C12orf42: variants seen among roughly 807,000 people sequenced by gnomAD.
C12orf42 encodes the protein chromosome 12 open reading frame 42.
Under a neutral mutation model 21.6 loss-of-function variants are expected in C12orf42, and 25 were observed. The observed-to-expected ratio is 1.16, with a 90% CI of 0.84 to 1.62. The LOEUF is 1.62. Among genes scored for constraint, C12orf42 ranks in the 40% most tolerant of loss-of-function variants. The pLI is 0.00. For synonymous variants in C12orf42, 174 were observed against 175.0 expected (o/e 0.99, Z 0.05); for missense variants, 483 against 459.3 (o/e 1.05, Z -0.47).
At chr12:103,113,217 A>G in the C12orf42 span, among the ~76,000 whole-genome samples, 4 of 151,860 alleles carry the variant, frequency 2.6e-5, no homozygotes, top group South Asian at 4.2e-4. Context: ...TCCTGTTTCT[A>G]TTGTCCCTAA....
At chr12:103,198,081 A>G in the C12orf42 span, among the ~76,000 whole-genome samples, 1 of 152,208 alleles carries the variant, frequency 6.6e-6, no homozygotes. Context: ...GCACCTGTGC[A>G]CATACACACA....
At chr12:103,229,883 G>A in the C12orf42 span, among the ~76,000 whole-genome samples, 4 of 152,136 alleles carry the variant, frequency 2.6e-5, no homozygotes, top group South Asian at 2.1e-4. Context: ...AGCTACAACC[G>A]AATCCTGTGG....
chr12:103,180,301 T>G, the C12orf42 span, among the ~76,000 whole-genome samples: 1 of 152,038 alleles, frequency 6.6e-6, no homozygotes. Flanking sequence ...AGGTGGCAAG[T>G]AGGAAAAAAA....
At chr12:103,088,343 G>T in the C12orf42 span, among the ~76,000 whole-genome samples, 4 of 152,188 alleles carry the variant, frequency 2.6e-5, no homozygotes, top group African/African-American at 9.6e-5. Flanking sequence ...GACTAAATAA[G>T]AAATAGGGGA....
chr12:103,233,364 C>G (rs115439847), downstream of C12orf42, among the ~76,000 whole-genome samples: 1,796 of 152,202 alleles, frequency 0.012, 37 homozygotes, highest in African/African-American at 0.041. Context: ...ACAAAATAAT[C>G]TTTGAGGATT....
chr12:103,056,375 G>T, the C12orf42 span, among the ~76,000 whole-genome samples: 1 of 152,102 alleles, frequency 6.6e-6, no homozygotes, highest in African/African-American at 2.4e-5. Flanking sequence ...CTGTATTCAA[G>T]ATTTTTTCTT....
the C12orf42 span, among the ~76,000 whole-genome samples, chr12:103,105,905 T>C: frequency 3.9e-5 from 6 of 152,256 alleles, 1 homozygote; most frequent in South Asian, 1.2e-3. Flanking sequence ...TGAAAGAGGA[T>C]GATTTTAATA....
At chr12:103,462,090 TGC>T (rs1952746886) in intron 2 of C12orf42, among the ~76,000 whole-genome samples, 1 of 134,128 alleles carries the variant, frequency 7.5e-6, no homozygotes, top group African/African-American at 2.8e-5. Context: ...TTTTGTTTTT[TGC>T]TTGGTTTTTT....
chr12:103,111,566 G>A, the C12orf42 span, among the ~76,000 whole-genome samples: 3 of 152,196 alleles, frequency 2.0e-5, no homozygotes, highest in Admixed American at 1.3e-4. Flanking sequence ...ATGGTGTCAT[G>A]TAAAGATGGC....
chr12:103,140,686 T>C, the C12orf42 span, among the ~76,000 whole-genome samples: 96 of 152,258 alleles, frequency 6.3e-4, 1 homozygote, highest in African/African-American at 2.3e-3. Context: ...TATGCTTTGA[T>C]TGAGGCAGAG....
At chr12:103,191,737 T>G in the C12orf42 span, among the ~76,000 whole-genome samples, 1 of 64,586 alleles carries the variant, frequency 1.5e-5, no homozygotes, top group Non-Finnish European at 2.9e-5. Flanking sequence ...AGTGGGACTC[T>G]GTGTCTAAAA....
intron 5 of C12orf42, among the ~76,000 whole-genome samples, chr12:103,303,514 A>G (rs1231597733): frequency 2.6e-5 from 4 of 152,208 alleles, no homozygotes; most frequent in African/African-American, 9.6e-5. Context: ...AAGGTTTTTA[A>G]TAGCATTTAG....
At chr12:103,194,576 A>C in the C12orf42 span, among the ~76,000 whole-genome samples, 2 of 152,144 alleles carry the variant, frequency 1.3e-5, no homozygotes, top group Non-Finnish European at 2.9e-5. Flanking sequence ...CGATAGCATC[A>C]AAAATAATAG....
chr12:103,204,934 G>GT, the C12orf42 span, among the ~76,000 whole-genome samples: 25 of 151,358 alleles, frequency 1.7e-4, no homozygotes, highest in Non-Finnish European at 3.3e-4. Flanking sequence ...AAAAGAGAAA[G>GT]TTAAAAAAAG....
upstream of C12orf42, among the ~76,000 whole-genome samples, chr12:103,500,278 C>G (rs2138284551): frequency 6.6e-6 from 1 of 152,298 alleles, no homozygotes; most frequent in South Asian, 2.1e-4. Flanking sequence ...TCTAATACCC[C>G]TTTCATTTAC....
the C12orf42 span, among the ~76,000 whole-genome samples, chr12:103,209,397 G>C: frequency 1.6e-4 from 24 of 152,154 alleles, no homozygotes; most frequent in Admixed American, 1.6e-3. Context: ...TCCTGCTTTG[G>C]TGTTTAAAAT....
intron 2 of C12orf42, among the ~76,000 whole-genome samples, chr12:103,466,196 G>A (rs955191494): frequency 3.3e-5 from 5 of 152,154 alleles, no homozygotes; most frequent in Non-Finnish European, 7.3e-5. Context: ...CTGTACCTCT[G>A]GTAGAATTCA....
At chr12:103,226,544 A>G in the C12orf42 span, among the ~76,000 whole-genome samples, 1 of 152,224 alleles carries the variant, frequency 6.6e-6, no homozygotes, top group Non-Finnish European at 1.5e-5. Context: ...AAGGAGCATT[A>G]ACCTTGACTA....
chr12:103,177,173 A>G, the C12orf42 span, among the ~76,000 whole-genome samples: 1 of 152,178 alleles, frequency 6.6e-6, no homozygotes, highest in Non-Finnish European at 1.5e-5. Flanking sequence ...TTATGATAGA[A>G]TGATGACTCC....
Sources: gnomAD v4.1 joint callset for allele counts (sites outside exome capture counted in the v4.1 genomes callset) on GRCh38, gnomAD v4.1.1 for gene constraint, MANE v1.5 for transcripts, NCBI Gene and HGNC (gene_info 2026-07-23, HGNC 2026-07-21) for gene names.